The following PFKFB2 variants were observed in gnomAD, a reference collection of about 807,000 sequenced individuals.
The protein encoded by PFKFB2 is 6-phosphofructo-2-kinase/fructose-2,6-biphosphatase 2, also known as 6-phosphofructo-2-kinase/fructose-2,6-bisphosphatase 2.
PFKFB2 carries 53 observed loss-of-function variants against 68.0 expected under a neutral mutation model. That is an observed-to-expected ratio of 0.78 (90% CI 0.63 to 0.98). PFKFB2 has a LOEUF of 0.98. PFKFB2 is among the 50% of genes least tolerant of loss of function. The probability of loss-of-function intolerance (pLI) is 0.00; values close to 1 mark genes in which losing one functional copy is unlikely to be tolerated. For synonymous variants in PFKFB2, 222 were observed against 227.6 expected (o/e 0.98, Z 0.22); for missense variants, 451 against 642.0 (o/e 0.70, Z 3.22).
chr1:207,068,669 TG>T (rs1156342249), intron 10 of PFKFB2, among the ~76,000 whole-genome samples: 1 of 152,216 alleles, frequency 6.6e-6, no homozygotes, highest in Non-Finnish European at 1.5e-5. Context: ...TTAGATCATT[TG>T]GTCAGCTATT....
chr1:207,034,709 T>C (rs1437168842), intron 1 of PFKFB2, among the ~76,000 whole-genome samples: 1 of 152,164 alleles, frequency 6.6e-6, no homozygotes, highest in African/African-American at 2.4e-5. Context: ...AATTATGAAA[T>C]ATTTCAGATA....
chr1:207,064,447 C>T (rs2102354237), intron 7 of PFKFB2, among the ~76,000 whole-genome samples: 1 of 152,162 alleles, frequency 6.6e-6, no homozygotes, highest in East Asian at 1.9e-4. Context: ...CTCTTCGTTT[C>T]AGGACTTACC....
At chr1:207,061,903 C>A in intron 2 of PFKFB2, 50 bp from the exon 3 acceptor site, 1 of 1,532,710 alleles carries the variant, frequency 6.5e-7, no homozygotes, top group African/African-American at 1.4e-5. Context: ...ACCAAAAAAC[C>A]TTACTAGGAC....
At chr1:207,035,543 G>A (rs1572703129) in intron 1 of PFKFB2, among the ~76,000 whole-genome samples, 1 of 152,076 alleles carries the variant, frequency 6.6e-6, no homozygotes, top group Non-Finnish European at 1.5e-5. Flanking sequence ...AGTCCCAGGT[G>A]CTCGTGGGGT....
chr1:207,061,753 G>T (rs1344707311), intron 2 of PFKFB2, among the ~76,000 whole-genome samples, 200 bp from the exon 3 acceptor site: 1 of 152,078 alleles, frequency 6.6e-6, no homozygotes, highest in African/African-American at 2.4e-5. Flanking sequence ...ATGGTGGAGG[G>T]CGCCTGTAGT....
chr1:207,064,887 CG>C (rs1362057435), intron 7 of PFKFB2, 148 bp from the exon 8 acceptor site: 5 of 778,124 alleles, frequency 6.4e-6, no homozygotes, highest in Non-Finnish European at 9.3e-6. Context: ...CGGGGCGGGG[CG>C]GGGGGTACTC....
upstream of PFKFB2, chr1:207,049,275 A>G (rs1426815664): frequency 1.2e-6 from 2 of 1,614,194 alleles, no homozygotes; most frequent in Admixed American, 1.7e-5. Context: ...AGTGGATGCC[A>G]TCATAAATAA....
upstream of PFKFB2, chr1:207,052,386 G>T (rs1682775335): frequency 1.6e-6 from 1 of 621,874 alleles, no homozygotes; most frequent in African/African-American, 1.8e-5. Flanking sequence ...GGGTGGCCGG[G>T]CGCAGTGGCT....
intron 2 of PFKFB2, among the ~76,000 whole-genome samples, chr1:207,055,468 G>A (rs1203572166): frequency 2.0e-5 from 3 of 152,044 alleles, no homozygotes; most frequent in Non-Finnish European, 2.9e-5. Flanking sequence ...ATCATTTCCT[G>A]TCCCCAAGCA....
rs937515629 is a variant in PFKFB2, at chr1:207,063,913, G to GTGTGTGTGTA, written c.507+87_507+88insGTGTGTATGT. On this transcript the variant is annotated intron_variant, in intron 7 of 14. Coordinates refer to ENST00000367080, the MANE Select transcript of PFKFB2 (RefSeq NM_006212.2). This position sits in a 1 kb window ranked among gnomAD's most constrained non-coding sequence, Gnocchi z 4.1. ...GGTGTGTGTGTGTGTGTGTGTGTGT[G>GTGTGTGTGTA]TGTTGTTGGGGAGGGGTGTTTTCGT... The GTGTGTGTGTA allele has an allele frequency of 5.1e-6, 5 of 989,746 alleles. No homozygotes were observed. In the African/African-American group the frequency reaches 7.9e-5, roughly 16 times the overall value. 61.3% of individuals were successfully genotyped at this position (989,746 alleles called of 1,614,324 possible). A position where few individuals can be genotyped will look rare whatever the true frequency, so the allele number is the denominator to read the frequency against.
intron 2 of PFKFB2, among the ~76,000 whole-genome samples, chr1:207,060,095 T>C (rs1572720743): frequency 6.6e-6 from 1 of 152,160 alleles, no homozygotes; most frequent in African/African-American, 2.4e-5. Context: ...CTGGCAGCAG[T>C]TCAGGTCCTT....
At position 207,073,202 on chromosome 1, in the gene PFKFB2, T is replaced by TAA; in HGVS notation, c.*831_*832insAA. ...TGAGCATGTGGGAAATGTCTTGGTT[T>TAA]TTATTTTTAATTTAGAGTCAGGCCT... On this transcript the variant is annotated 3_prime_UTR_variant, in exon 15 of 15. Coordinates refer to ENST00000367080, the MANE Select transcript of PFKFB2 (RefSeq NM_006212.2). The TAA allele has an allele frequency of 1.0e-6, 1 of 985,582 alleles. No individual in the cohort carries two copies. The highest frequency in any genetic ancestry group is 6.1e-5 in the Admixed American group (1 of 16,290). 61.1% of individuals were successfully genotyped at this position (985,582 alleles called of 1,614,324 possible).
upstream of PFKFB2, among the ~76,000 whole-genome samples, chr1:207,051,758 A>C (rs990311810): frequency 3.9e-5 from 6 of 152,240 alleles, no homozygotes; most frequent in African/African-American, 1.4e-4. Context: ...GGTGTGAGAC[A>C]CACAGCCACT....
At chr1:207,052,056 A>G, upstream of PFKFB2, 1 of 731,988 alleles carries the variant, frequency 1.4e-6, no homozygotes, top group South Asian at 1.7e-5. Context: ...CAAGAAATCC[A>G]TACTCATTGT....
downstream of PFKFB2, chr1:207,079,121 C>T (rs1558070130): frequency 9.6e-7 from 1 of 1,044,844 alleles, no homozygotes; most frequent in Non-Finnish European, 1.5e-6. Context: ...TAAGTGGGAA[C>T]TGGACTTTGG....
upstream of PFKFB2, chr1:207,050,668 C>A (rs1258759315): frequency 1.2e-6 from 2 of 1,612,600 alleles, no homozygotes; most frequent in Non-Finnish European, 1.7e-6. Flanking sequence ...CTTTCCCTGG[C>A]CCCAGCCCTG....
In PFKFB2 at chr1:207,073,330, A is replaced by G; in HGVS notation, c.*959A>G. The G allele has an allele frequency of 2.0e-6, 2 of 985,430 alleles. No homozygotes were observed. The highest frequency in any genetic ancestry group is 1.7e-5 in the African/African-American group (1 of 57,362). The allele number at this position is 985,430 out of a possible 1,614,324, so 61.0% of individuals were successfully genotyped here. A position where few individuals can be genotyped will look rare whatever the true frequency, so the allele number is the denominator to read the frequency against. Reference sequence around the variant, plus strand: ...TCATGTCTTTTCTCCCATGACTCTCAGGTTCTTTGCCAATCACAGCAACTT... The same window carrying G: ...TCATGTCTTTTCTCCCATGACTCTCGGGTTCTTTGCCAATCACAGCAACTT... On this transcript the variant is annotated 3_prime_UTR_variant, in exon 15 of 15. Coordinates refer to ENST00000367080, the MANE Select transcript of PFKFB2 (RefSeq NM_006212.2).
chr1:207,042,762 ATTCAAGGGCAGGAC>A (rs1682505424), intron 2 of PFKFB2, among the ~76,000 whole-genome samples: 1 of 152,110 alleles, frequency 6.6e-6, no homozygotes, highest in Non-Finnish European at 1.5e-5. Context: ...ATTGTTTAGA[ATTCAAGGGCAGGAC>A]TTCACATTTA....
chr1:207,050,675 C>A (rs760096036), upstream of PFKFB2: 2 of 1,612,778 alleles, frequency 1.2e-6, no homozygotes, highest in Non-Finnish European at 1.7e-6. Context: ...TGGCCCCAGC[C>A]CTGATTCCTT....
Sources: allele counts gnomAD v4.1 joint callset (sites outside exome capture counted in the v4.1 genomes callset), GRCh38; gene constraint gnomAD v4.1.1; non-coding constraint Gnocchi (gnomAD v3.1); transcripts MANE v1.5; gene names NCBI Gene and HGNC (gene_info 2026-07-23, HGNC 2026-07-21).